The following ZFYVE1 variants were observed in gnomAD, a reference collection of about 807,000 sequenced individuals.
ZFYVE1 encodes zinc finger FYVE domain-containing protein 1.
ZFYVE1 carries 30 observed loss-of-function variants against 74.4 expected under a neutral mutation model. The ratio of observed to expected loss-of-function variants is 0.40; its 90% CI spans 0.30 to 0.55. ZFYVE1 has a LOEUF of 0.55. ZFYVE1 is among the 20% of genes least tolerant of loss of function. The pLI is 0.42. For missense variants in ZFYVE1, 703 were observed against 1,011.6 expected, an observed-to-expected ratio of 0.69 and a Z score of 4.14; for synonymous variants, 335 against 385.1, an observed-to-expected ratio of 0.87 and a Z score of 1.52.
intron 4 of ZFYVE1, chr14:72,986,842 T>C: frequency 1.0e-6 from 1 of 982,608 alleles, no homozygotes; most frequent in Non-Finnish European, 1.2e-6. Flanking sequence ...GATTTTTCTT[T>C]ACATACCACC....
At chr14:73,002,646 G>A (rs12891315) in intron 2 of ZFYVE1, among the ~76,000 whole-genome samples, 45,743 of 151,722 alleles carry the variant, frequency 0.3, 7,283 homozygotes, top group Middle Eastern at 0.39. Flanking sequence ...CAAAGCTCCT[G>A]ATTCAAAGAG....
At chr14:73,005,822 G>T (rs1200059346) in intron 2 of ZFYVE1, among the ~76,000 whole-genome samples, 1 of 152,208 alleles carries the variant, frequency 6.6e-6, no homozygotes, top group Non-Finnish European at 1.5e-5. Flanking sequence ...TTGCTCATTT[G>T]GGGGCTGATT....
intron 2 of ZFYVE1, among the ~76,000 whole-genome samples, chr14:73,000,524 A>C (rs549034154): frequency 6.6e-6 from 1 of 152,004 alleles, no homozygotes; most frequent in East Asian, 1.9e-4. Context: ...GGATCGTTTG[A>C]GCTCAGGAGT....
rs35364666 is a variant in ZFYVE1, at chr14:73,006,709, C to CTTTT, written c.484-8398_484-8395dup. On this transcript the variant is annotated intron_variant, in intron 2 of 11. Transcript: ENST00000556143. ...ACTCAATGATCCCCCACCCCAGTTC[C>CTTTT]TTTTTTTTTTTTTTTTTTTTTTTTG... Among the ~76,000 whole-genome samples the CTTTT allele has an allele frequency of 1.1e-3, 83 of 77,698 alleles. 1 individual carries two copies. The highest frequency in any genetic ancestry group is 2.4e-3 in the East Asian group (5 of 2,072). The allele number at this position is 77,698 out of a possible 152,430, so 51.0% of individuals were successfully genotyped here. A position where few individuals can be genotyped will look rare whatever the true frequency, so the allele number is the denominator to read the frequency against.
chr14:72,977,931 G>C lies in ZFYVE1; in HGVS notation c.1631C>G (p.Pro544Arg). The stretch of plus-strand genomic sequence containing the variant: ...GAGAAATCCAACAGTTCTTACTCCA[G>C]GCCACACATGCACAATCTCTGTCCG... Reference protein sequence around the residue: ...VVRTEIVHVWPGTDGFLKDNN... With the variant: ...VVRTEIVHVWRGTDGFLKDNN... The change falls in exon 8 of 12, where the codon CCT becomes CGT. Residue 544 changes from proline (P) to arginine (R), a missense_variant. By Grantham distance (103) the Pro-to-Arg change is moderately radical. Around this residue, in one of 2 missense-constraint regions of ZFYVE1, gnomAD observed 492 missense variants for 790.0 expected, o/e 0.62. Transcript: ENST00000556143. 1 of 1,614,108 alleles carries C rather than the reference G, an allele frequency of 6.2e-7. No homozygotes were observed. The highest frequency in any genetic ancestry group is 8.5e-7 in the Non-Finnish European group (1 of 1,179,994).
intron 2 of ZFYVE1, among the ~76,000 whole-genome samples, chr14:73,015,907 C>T (rs1594863878): frequency 1.3e-5 from 2 of 151,826 alleles, no homozygotes; most frequent in African/African-American, 2.4e-5. Flanking sequence ...AGCCTGGCAA[C>T]AGAGCAAGAC....
At chr14:72,990,445 G>A (rs1318634958) in intron 4 of ZFYVE1, among the ~76,000 whole-genome samples, 1 of 151,374 alleles carries the variant, frequency 6.6e-6, no homozygotes, top group African/African-American at 2.4e-5. Flanking sequence ...TGCCCAGGCT[G>A]GAGTGCGGTG....
chr14:73,020,744 G>C (rs1422557518), intron 2 of ZFYVE1, among the ~76,000 whole-genome samples: 4 of 152,088 alleles, frequency 2.6e-5, no homozygotes, highest in Non-Finnish European at 5.9e-5. Context: ...TGGGAAGCCA[G>C]GGTAGGAGAA....
chr14:72,973,751 T>TA (rs1194563885), intron 11 of ZFYVE1, among the ~76,000 whole-genome samples: 3 of 152,156 alleles, frequency 2.0e-5, no homozygotes, highest in Non-Finnish European at 4.4e-5. Flanking sequence ...TATCAGGTAG[T>TA]AACTAGAGCC....
chr14:72,972,197 G>C (rs1189166301), intron 11 of ZFYVE1, among the ~76,000 whole-genome samples: 2 of 152,062 alleles, frequency 1.3e-5, no homozygotes, highest in Non-Finnish European at 2.9e-5. Context: ...CTGGACAATA[G>C]CGAGAGTCAG....
chr14:73,024,495 G>A lies in ZFYVE1; in HGVS notation c.14C>T (p.Thr5Ile), dbSNP rs772111003. MSAQ[T>I]SPAEKGLNPG... ...ATTCAGGCCCTTCTCTGCTGGGGAA[G>A]TCTGGGCACTCATACTCACGCTGGT... is the stretch of plus-strand genomic sequence containing the variant. Residue 5 changes from threonine (T) to isoleucine (I), a missense_variant, in exon 2 of 12, where the codon ACT becomes ATT. This residue lies in a region of ZFYVE1 where 211 missense variants were observed against 221.7 expected (regional missense o/e 0.95). Coordinates refer to ENST00000556143, the MANE Select transcript of ZFYVE1 (RefSeq NM_021260.4). 2 of 1,605,672 alleles carry A rather than the reference G, an allele frequency of 1.2e-6. No individual in the cohort carries two copies. Among genetic ancestry groups the A allele is most frequent in the Admixed American group, 1.7e-5 (1 of 59,212 alleles).
At chr14:73,025,693 CAAAAAAAA>C (rs34131740) in intron 1 of ZFYVE1, among the ~76,000 whole-genome samples, 1 of 76,242 alleles carries the variant, frequency 1.3e-5, no homozygotes, top group African/African-American at 5.3e-5. Flanking sequence ...AAGACTCCCT[CAAAAAAAA>C]AAAAAAAAAA....
Position 73,021,064 on chromosome 14 carries a change from G to A in ZFYVE1, c.483+2962C>T, listed in dbSNP as rs776095455. ...ATCCATTTTTTAAAAACTGAAGTTG[G>A]CTGGGCACAGTCACTCACGCCTGTA... On this transcript the variant is annotated intron_variant, in intron 2 of 11. Transcript: ENST00000556143. Among the ~76,000 whole-genome samples, 5 of 152,052 alleles carry A rather than the reference G, an allele frequency of 3.3e-5. No individual in the cohort carries two copies. The East Asian group carries it at 9.7e-4, about 30-fold the overall frequency.
chr14:72,975,410 C>G lies in ZFYVE1; in HGVS notation c.1806+141G>C. ...AAACTGGCTGCCTCAACGACTCCTC[C>G]CCTTGCCGGTACTCACAGAGCTCAC... is the stretch of plus-strand genomic sequence containing the variant. On this transcript the variant is annotated intron_variant, in intron 9 of 11. Coordinates refer to ENST00000556143, the MANE Select transcript of ZFYVE1 (RefSeq NM_021260.4). The surrounding 1 kb of genome is among the most constrained non-coding windows in gnomAD (Gnocchi z 4.1). The G allele has an allele frequency of 9.3e-7, 1 of 1,076,670 alleles. No homozygotes were observed. Among genetic ancestry groups the G allele is most frequent in the South Asian group, 1.7e-5 (1 of 59,304 alleles). 66.7% of individuals were successfully genotyped at this position (1,076,670 alleles called of 1,614,324 possible).
chr14:72,981,928 C>G (rs1893342507), intron 4 of ZFYVE1, 33 bp from the exon 5 acceptor site: 6 of 1,601,988 alleles, frequency 3.7e-6, no homozygotes, highest in African/African-American at 1.3e-5. Context: ...TATGATGGCA[C>G]TCAGTAGAGA....
rs987692972 is a variant in ZFYVE1 at position 73,026,915 on chromosome 14, G to A, written c.-435+11C>T. 4 of 323,504 alleles carry A rather than the reference G, an allele frequency of 1.2e-5. No individual in the cohort carries two copies. The highest frequency in any genetic ancestry group is 2.3e-5 in the Non-Finnish European group (4 of 177,432). 20.0% of individuals were successfully genotyped at this position (323,504 alleles called of 1,614,324 possible). A position where few individuals can be genotyped will look rare whatever the true frequency, so the allele number is the denominator to read the frequency against. On this transcript the variant is annotated intron_variant, in intron 1 of 11. Transcript: ENST00000556143. ...CGCCCTGCCCTGCCCGCCGCGGCCC[G>A]GGGATCCCACCACTGAGAAGCTCGG...
intron 8 of ZFYVE1, chr14:72,976,029 T>C (rs1440704830): frequency 7.6e-6 from 2 of 262,040 alleles, no homozygotes; most frequent in Non-Finnish European, 1.5e-5. Context: ...CTTCTAATAC[T>C]TGGACATCTC....
chr14:73,017,697 AAT>A (rs1894230212), intron 2 of ZFYVE1, among the ~76,000 whole-genome samples: 1 of 151,960 alleles, frequency 6.6e-6, no homozygotes, highest in African/African-American at 2.4e-5. Context: ...AAAATTCATC[AAT>A]GTCTCTCCAT....
intron 3 of ZFYVE1, among the ~76,000 whole-genome samples, chr14:72,994,718 T>C (rs554536962): frequency 2.4e-4 from 37 of 152,298 alleles, no homozygotes; most frequent in Middle Eastern, 6.8e-3. Context: ...TTTCAGACAT[T>C]TTTCCTACAG....
Sources: gnomAD v4.1 joint callset for allele counts (sites outside exome capture counted in the v4.1 genomes callset) on GRCh38, gnomAD v4.1.1 for gene constraint, gnomAD v4.1.1 regional missense constraint, Gnocchi (gnomAD v3.1) non-coding constraint, MANE v1.5 for transcripts, NCBI Gene and HGNC (gene_info 2026-07-23, HGNC 2026-07-21) for gene names.